The following CELF2 variants were observed in gnomAD, a reference collection of about 807,000 sequenced individuals.
CELF2 encodes CUG triplet repeat RNA-binding protein 2.
A neutral mutation model predicts 62.6 loss-of-function variants in CELF2; 8 were observed. The ratio of observed to expected loss-of-function variants is 0.13; its 90% CI spans 0.07 to 0.23. CELF2 has a LOEUF of 0.23. Among genes scored for constraint, CELF2 ranks in the 10% least tolerant of loss-of-function variants. The pLI, the probability that CELF2 is intolerant of heterozygous loss-of-function variation, is 1.00. For synonymous variants in CELF2, 258 were observed against 250.0 expected, an observed-to-expected ratio of 1.03 and a Z score of -0.30; for missense variants, 333 against 671.0, an observed-to-expected ratio of 0.50 and a Z score of 5.56.
chr10:10,708,945 C>T, the CELF2 span, among the ~76,000 whole-genome samples: 16 of 152,242 alleles, frequency 1.1e-4, no homozygotes, highest in African/African-American at 3.1e-4. Context: ...AAAATGAATG[C>T]GTCATTATAT....
chr10:10,625,516 G>T, the CELF2 span, among the ~76,000 whole-genome samples: 5 of 151,976 alleles, frequency 3.3e-5, no homozygotes, highest in Admixed American at 1.3e-4. Flanking sequence ...TGCTGGATCA[G>T]CTGGGAATGC....
At chr10:10,527,976 C>A in the CELF2 span, among the ~76,000 whole-genome samples, 2 of 152,168 alleles carry the variant, frequency 1.3e-5, no homozygotes, top group Non-Finnish European at 2.9e-5. Flanking sequence ...TTACTTCATT[C>A]AGTCCTCAGA....
At chr10:11,081,197 C>G (rs1162944586) in intron 1 of CELF2, among the ~76,000 whole-genome samples, 1 of 152,162 alleles carries the variant, frequency 6.6e-6, no homozygotes, top group African/African-American at 2.4e-5. Context: ...GGGACATGTT[C>G]TCATGTTAAT....
intron 1 of CELF2, among the ~76,000 whole-genome samples, chr10:11,061,068 A>T (rs1405346492): frequency 6.6e-6 from 1 of 152,246 alleles, no homozygotes; most frequent in East Asian, 1.9e-4. Context: ...ATTAAAGCTC[A>T]GTGAGAAAGG....
chr10:10,721,761 A>G, the CELF2 span, among the ~76,000 whole-genome samples: 33 of 152,228 alleles, frequency 2.2e-4, no homozygotes, highest in African/African-American at 7.9e-4. Context: ...GTTACAGCAC[A>G]TTGGGGGTCT....
intron 1 of CELF2, among the ~76,000 whole-genome samples, chr10:10,882,803 A>C (rs75438872): frequency 6.6e-6 from 1 of 152,146 alleles, no homozygotes; most frequent in Admixed American, 6.5e-5. Context: ...TTAAAATATC[A>C]AATAAAAAAA....
chr10:11,243,697 T>C lies in CELF2; in HGVS notation c.355-5456T>C, dbSNP rs900166565. ...TCAGAGGCTGGTGTTTGTAAAATTC[T>C]TAGACTCGTCGAACAGCATAGACAG... On this transcript the variant is annotated intron_variant, in intron 3 of 12. Coordinates refer to ENST00000633077, the MANE Select transcript of CELF2 (RefSeq NM_001326342.2). The surrounding 1 kb of genome is among the most constrained non-coding windows in gnomAD (Gnocchi z 4.1). 2.0e-5 allele frequency among the ~76,000 whole-genome samples: 3 copies of C among 152,258 alleles called. No homozygotes were observed. The highest frequency in any genetic ancestry group is 7.2e-5 in the African/African-American group (3 of 41,468).
chr10:10,737,847 A>G, the CELF2 span, among the ~76,000 whole-genome samples: 4 of 152,200 alleles, frequency 2.6e-5, no homozygotes, highest in South Asian at 8.3e-4. Context: ...GTGAAGACAC[A>G]GTGCAAATCC....
the CELF2 span, among the ~76,000 whole-genome samples, chr10:10,579,391 A>G: frequency 6.6e-6 from 1 of 152,316 alleles, no homozygotes; most frequent in East Asian, 1.9e-4. Context: ...GCTCTGTGAT[A>G]AATAGGAACT....
chr10:10,777,239 C>T, the CELF2 span, among the ~76,000 whole-genome samples: 2 of 152,202 alleles, frequency 1.3e-5, no homozygotes, highest in East Asian at 3.9e-4. Context: ...ACATTGTCAC[C>T]TCCATCCAGA....
intron 1 of CELF2, among the ~76,000 whole-genome samples, chr10:11,048,599 A>G (rs113332369): frequency 5.9e-5 from 9 of 152,346 alleles, no homozygotes; most frequent in African/African-American, 1.2e-4. Context: ...TTGTTTGACA[A>G]CACCATTACG....
the CELF2 span, among the ~76,000 whole-genome samples, chr10:10,671,201 T>C: frequency 1.5e-5 from 2 of 131,088 alleles, no homozygotes; most frequent in Non-Finnish European, 3.2e-5. Context: ...GAATTATCTG[T>C]CTCAAAAAAA....
chr10:11,149,672 A>G (rs597917), intron 1 of CELF2, among the ~76,000 whole-genome samples: 40,143 of 151,990 alleles, frequency 0.26, 6,359 homozygotes, highest in East Asian at 0.75. Context: ...TTGGCTTCTC[A>G]TGTTCCTGTG....
chr10:10,796,619 T>A (rs2054154266), upstream of CELF2, among the ~76,000 whole-genome samples: 1 of 152,202 alleles, frequency 6.6e-6, no homozygotes, highest in South Asian at 2.1e-4. Context: ...ATGAGGATGA[T>A]GTCATTATAG....
chr10:10,915,698 G>C (rs1451681394), intron 1 of CELF2, among the ~76,000 whole-genome samples: 1 of 152,192 alleles, frequency 6.6e-6, no homozygotes, highest in Non-Finnish European at 1.5e-5. Flanking sequence ...GCCTCCCAAA[G>C]TGCCGGGATT....
chr10:11,258,781 G>C lies in CELF2; in HGVS notation c.538+909G>C, dbSNP rs1590017509. On this transcript the variant is annotated intron_variant, in intron 5 of 12. Coordinates refer to ENST00000633077, the MANE Select transcript of CELF2 (RefSeq NM_001326342.2). ...AGCTCACTGCAGCCTCCACCTCCCA[G>C]GTTCAAGCAATTCCCCTGCCTCAGC... is the stretch of plus-strand genomic sequence containing the variant. Among the ~76,000 whole-genome samples, 3 of 152,218 alleles carry C rather than the reference G, an allele frequency of 2.0e-5. 1 individual carries two copies.
At chr10:10,603,550 C>T in the CELF2 span, among the ~76,000 whole-genome samples, 1 of 152,138 alleles carries the variant, frequency 6.6e-6, no homozygotes, top group African/African-American at 2.4e-5. Context: ...GGCTAATTAT[C>T]ACAAAAGTAG....
the CELF2 span, among the ~76,000 whole-genome samples, chr10:10,775,819 G>A: frequency 2.0e-5 from 3 of 152,134 alleles, no homozygotes; most frequent in Non-Finnish European, 4.4e-5. Flanking sequence ...TTCCATGTAC[G>A]TCTGCTTTAA....
chr10:10,725,658 A>T, the CELF2 span, among the ~76,000 whole-genome samples: 1 of 152,116 alleles, frequency 6.6e-6, no homozygotes, highest in African/African-American at 2.4e-5. Context: ...GAGCTTGTCA[A>T]CTTGGGCCAA....
Sources: allele counts gnomAD v4.1 joint callset (sites outside exome capture counted in the v4.1 genomes callset), GRCh38; gene constraint gnomAD v4.1.1; non-coding constraint Gnocchi (gnomAD v3.1); transcripts MANE v1.5; gene names NCBI Gene and HGNC (gene_info 2026-07-23, HGNC 2026-07-21).